OTUD7A: variants seen among roughly 807,000 people sequenced by gnomAD.
OTUD7A encodes the protein OTU domain-containing protein 7A.
A neutral mutation model predicts 65.7 loss-of-function variants in OTUD7A; 12 were observed. The ratio of observed to expected loss-of-function variants is 0.18; its 90% CI spans 0.12 to 0.30. The LOEUF (loss-of-function observed/expected upper bound fraction) is 0.30. OTUD7A is among the 10% of genes least tolerant of loss of function. The pLI, the probability that OTUD7A is intolerant of heterozygous loss-of-function variation, is 1.00. For missense variants in OTUD7A, 1,148 were observed against 1,304.8 expected (o/e 0.88, Z 1.85); for synonymous variants, 641 against 586.3 (o/e 1.09, Z -1.35).
chr15:31,869,676 T>G (rs1439826033), intron 1 of OTUD7A, among the ~76,000 whole-genome samples: 1 of 152,230 alleles, frequency 6.6e-6, no homozygotes, highest in Non-Finnish European at 1.5e-5. Flanking sequence ...AAAAGTCATT[T>G]GCACTTGTGT....
At chr15:31,782,014 T>C (rs544621180) in intron 1 of OTUD7A, among the ~76,000 whole-genome samples, 2 of 152,234 alleles carry the variant, frequency 1.3e-5, no homozygotes, top group Non-Finnish European at 2.9e-5. Context: ...TTTATTTTTC[T>C]TTTATGAACT....
intron 1 of OTUD7A, among the ~76,000 whole-genome samples, chr15:31,719,701 A>C (rs930957396): frequency 1.1e-4 from 16 of 152,166 alleles, no homozygotes; most frequent in African/African-American, 3.4e-4. Context: ...AACTGGATTA[A>C]GTCCCTCTGC....
At chr15:31,701,242 T>C (rs1893206682) in intron 1 of OTUD7A, among the ~76,000 whole-genome samples, 1 of 151,312 alleles carries the variant, frequency 6.6e-6, no homozygotes, top group Non-Finnish European at 1.5e-5. Flanking sequence ...GTTGGTAGAA[T>C]AGTTAACACG....
At chr15:31,773,600 G>A (rs904544922) in intron 1 of OTUD7A, among the ~76,000 whole-genome samples, 5 of 152,170 alleles carry the variant, frequency 3.3e-5, no homozygotes. Flanking sequence ...ATTTGGGGGA[G>A]GGGATACAAA....
At chr15:31,726,349 A>ACACACACACACACACACG (rs1555411165) in intron 1 of OTUD7A, among the ~76,000 whole-genome samples, 1 of 21,390 alleles carries the variant, frequency 4.7e-5, no homozygotes, top group African/African-American at 1.0e-4. Context: ...ACACACACGC[A>ACACACACACACACACACG]CACACACACA....
intron 10 of OTUD7A, among the ~76,000 whole-genome samples, chr15:31,489,281 A>G (rs1398324652): frequency 6.6e-6 from 1 of 152,230 alleles, no homozygotes; most frequent in Non-Finnish European, 1.5e-5. Context: ...TGTCCAGGAA[A>G]GGGACTCAAA....
chr15:31,816,902 T>C (rs1162687826), intron 1 of OTUD7A, among the ~76,000 whole-genome samples: 2 of 152,198 alleles, frequency 1.3e-5, no homozygotes, highest in African/African-American at 2.4e-5. Context: ...AGAGGGGATA[T>C]GAACCGCAAG....
At position 31,480,837 on chromosome 15, in the gene OTUD7A, A is replaced by G. The variant is rs1051192714; in HGVS notation, c.*2457T>C. The stretch of plus-strand genomic sequence containing the variant: ...ATGTATCAGCCTGGAGCAGGTGTCT[A>G]CAGGCGTCTGGCGCCTCGTTACCAC... On this transcript the variant is annotated 3_prime_UTR_variant, in exon 13 of 13. Coordinates refer to ENST00000307050, the MANE Select transcript of OTUD7A (RefSeq NM_001382637.1). 1 of 152,276 alleles carries G rather than the reference A, an allele frequency of 6.6e-6. No homozygotes were observed. The highest frequency in any genetic ancestry group is 1.5e-5 in the Non-Finnish European group (1 of 68,058). 9.4% of individuals were successfully genotyped at this position (152,276 alleles called of 1,614,324 possible). A position where few individuals can be genotyped will look rare whatever the true frequency, so the allele number is the denominator to read the frequency against.
intron 1 of OTUD7A, among the ~76,000 whole-genome samples, chr15:31,761,488 A>C (rs1163293503): frequency 6.6e-6 from 1 of 152,188 alleles, no homozygotes; most frequent in African/African-American, 2.4e-5. Context: ...CTTCACACCC[A>C]CTAGGATGGG....
At chr15:31,640,405 T>TA (rs978607891) in intron 3 of OTUD7A, among the ~76,000 whole-genome samples, 74 of 151,486 alleles carry the variant, frequency 4.9e-4, no homozygotes, top group South Asian at 1.0e-3. Flanking sequence ...CCTACGGAAA[T>TA]AAAAAAAAAT....
intron 3 of OTUD7A, among the ~76,000 whole-genome samples, chr15:31,629,818 T>C (rs550749400): frequency 1.3e-5 from 2 of 152,354 alleles, no homozygotes; most frequent in South Asian, 4.1e-4. Context: ...GGTTTAGTCT[T>C]GGGAGGGTGT....
chr15:31,728,516 C>A (rs1285034675), intron 1 of OTUD7A, among the ~76,000 whole-genome samples: 1 of 152,220 alleles, frequency 6.6e-6, no homozygotes, highest in Non-Finnish European at 1.5e-5. Flanking sequence ...ACCTGGGCAG[C>A]CCCTGCCTAA....
At chr15:31,727,718 C>T (rs1181737815) in intron 1 of OTUD7A, among the ~76,000 whole-genome samples, 1 of 152,194 alleles carries the variant, frequency 6.6e-6, no homozygotes, top group East Asian at 1.9e-4. Context: ...GTGGGTGTTT[C>T]ATTCCCTGTT....
rs1249211351 is a variant in OTUD7A, at chr15:31,484,460, C to T, written c.1636G>A (p.Val546Met). ...TTGGCGCGGCCCATCTTGCCGTGCA[C>T]CAGGCCGCCGAGGCCGCCCATGTTT... ...KKNMGGLGGL[V>M]HGKMGRANSA... The change falls in exon 13 of 13, where the codon GTG (valine) becomes ATG (methionine). Residue 546 changes from valine (V) to methionine (M), a missense_variant. Around this residue, in one of 6 missense-constraint regions of OTUD7A, gnomAD observed 842 missense variants for 769.5 expected, o/e 1.09. Coordinates refer to ENST00000307050, the MANE Select transcript of OTUD7A (RefSeq NM_001382637.1). The surrounding 1 kb of genome is among the most constrained non-coding windows in gnomAD (Gnocchi z 4.5). 2 of 1,605,268 alleles carry T rather than the reference C, an allele frequency of 1.2e-6. No homozygotes were observed. Among genetic ancestry groups the T allele is most frequent in the Admixed American group, 1.7e-5 (1 of 60,022 alleles).
In OTUD7A at chr15:31,646,178, C is replaced by G. The variant is rs1343028477; in HGVS notation, c.151+8918G>C. ...ATTACTGAGTGCCCACTCAGGACAGCTCATCCACAGGGCTGGGGCTCTCAG... is the reference window on the plus strand; with the variant it reads ...ATTACTGAGTGCCCACTCAGGACAGGTCATCCACAGGGCTGGGGCTCTCAG... On this transcript the variant is annotated intron_variant, in intron 3 of 12. Coordinates refer to ENST00000307050, the MANE Select transcript of OTUD7A (RefSeq NM_001382637.1). Among the ~76,000 whole-genome samples, 4 of 152,228 alleles carry G rather than the reference C, an allele frequency of 2.6e-5. No individual in the cohort carries two copies. In the East Asian group the frequency reaches 7.7e-4, roughly 29 times the overall value.
rs139230017 is a variant in OTUD7A at position 31,787,968 on chromosome 15, C to T, written c.-100+82539G>A. Among the ~76,000 whole-genome samples the T allele has an allele frequency of 1.9e-3, 292 of 152,312 alleles. 2 individuals carry two copies. Among genetic ancestry groups the T allele is most frequent in the Non-Finnish European group, 3.1e-3 (214 of 68,024 alleles). On this transcript the variant is annotated intron_variant, in intron 1 of 12. Transcript: ENST00000307050. ...TGCTTTATTTAACATGGAAAGCTTACTGCTATACAATTATCTTGTAGTTGG... is the reference window on the plus strand; with the variant it reads ...TGCTTTATTTAACATGGAAAGCTTATTGCTATACAATTATCTTGTAGTTGG...
chr15:31,477,339 G>T lies in OTUD7A; in HGVS notation c.*5955C>A, dbSNP rs1339138266. The T allele has an allele frequency of 6.6e-6, 1 of 152,264 alleles. No homozygotes were observed. The highest frequency in any genetic ancestry group is 1.5e-5 in the Non-Finnish European group (1 of 68,054). The allele number at this position is 152,264 out of a possible 1,614,324, so 9.4% of individuals were successfully genotyped here. A position where few individuals can be genotyped will look rare whatever the true frequency, so the allele number is the denominator to read the frequency against. On this transcript the variant is annotated 3_prime_UTR_variant, in exon 13 of 13. Transcript: ENST00000307050. ...CTCTGGAATGGTCCAGGTCTACAGT[G>T]ACCTCATGGAGTGATGGGAACCCAC...
At chr15:31,786,562 C>A (rs1005198487) in intron 1 of OTUD7A, among the ~76,000 whole-genome samples, 2 of 152,032 alleles carry the variant, frequency 1.3e-5, no homozygotes, top group Non-Finnish European at 2.9e-5. Context: ...GCTTTGTGGG[C>A]GTGTGGTGCT....
At chr15:31,843,331 C>CA (rs80294740) in intron 1 of OTUD7A, among the ~76,000 whole-genome samples, 2,726 of 83,506 alleles carry the variant, frequency 0.033, 26 homozygotes, top group African/African-American at 0.038. Flanking sequence ...ATTTTTTCTC[C>CA]AAAAAAAAAA....
Sources: gnomAD v4.1 joint callset for allele counts (sites outside exome capture counted in the v4.1 genomes callset) on GRCh38, gnomAD v4.1.1 for gene constraint, gnomAD v4.1.1 regional missense constraint, Gnocchi (gnomAD v3.1) non-coding constraint, MANE v1.5 for transcripts, NCBI Gene and HGNC (gene_info 2026-07-23, HGNC 2026-07-21) for gene names.